Variants in TSPAN12 observed in about 807,000 individuals in gnomAD.
TSPAN12 encodes the protein tetraspanin-12.
A neutral mutation model predicts 39.2 loss-of-function variants in TSPAN12; 19 were observed. The ratio of observed to expected loss-of-function variants is 0.49; its 90% CI spans 0.34 to 0.71. The LOEUF is 0.71. Among genes scored for constraint, TSPAN12 ranks in the 30% least tolerant of loss-of-function variants. The pLI, the probability that TSPAN12 is intolerant of heterozygous loss-of-function variation, is 0.01. For synonymous variants in TSPAN12, 119 were observed against 124.8 expected, an observed-to-expected ratio of 0.95 and a Z score of 0.31; for missense variants, 314 against 359.9, an observed-to-expected ratio of 0.87 and a Z score of 1.03.
chr7:120,798,371 TAGAGAGAC>T (rs1793674198), intron 7 of TSPAN12, among the ~76,000 whole-genome samples: 1 of 152,104 alleles, frequency 6.6e-6, no homozygotes, highest in African/African-American at 2.4e-5. Flanking sequence ...ATGAAGTCAG[TAGAGAGAC>T]AGGAGGGAGC....
At chr7:120,799,639 A>G (rs1236725020) in intron 7 of TSPAN12, among the ~76,000 whole-genome samples, 10 of 99,718 alleles carry the variant, frequency 1.0e-4, no homozygotes, top group African/African-American at 3.9e-4. Flanking sequence ...TATTATATAT[A>G]CTTATATATA....
intron 4 of TSPAN12, among the ~76,000 whole-genome samples, chr7:120,829,620 C>T (rs376270569): frequency 1.8e-4 from 27 of 152,140 alleles, no homozygotes; most frequent in East Asian, 1.2e-3. Context: ...GAAAACACAG[C>T]ACAATTGCTG....
intron 4 of TSPAN12, among the ~76,000 whole-genome samples, chr7:120,816,592 G>A (rs1441500898): frequency 6.6e-6 from 1 of 152,076 alleles, no homozygotes; most frequent in Non-Finnish European, 1.5e-5. Context: ...TCTAGCTGGA[G>A]TGGGGTGGTC....
chr7:120,839,986 A>G, intron 3 of TSPAN12, 41 bp downstream of exon 3: 2 of 1,537,070 alleles, frequency 1.3e-6, no homozygotes, highest in Non-Finnish European at 1.8e-6. Flanking sequence ...AGTTACTTAA[A>G]ATCAGCAAGA....
chr7:120,813,332 G>A (rs1017653422), intron 5 of TSPAN12, among the ~76,000 whole-genome samples: 2 of 152,196 alleles, frequency 1.3e-5, no homozygotes, highest in Non-Finnish European at 2.9e-5. Flanking sequence ...AAAGATTTAT[G>A]AAAGCAAAAC....
intron 7 of TSPAN12, among the ~76,000 whole-genome samples, chr7:120,802,773 T>A (rs1394305645): frequency 6.6e-6 from 1 of 152,240 alleles, no homozygotes; most frequent in Non-Finnish European, 1.5e-5. Context: ...AGTTTGTAGC[T>A]TATTATGGAT....
intron 7 of TSPAN12, among the ~76,000 whole-genome samples, chr7:120,793,817 A>T (rs1793579489): frequency 6.6e-6 from 1 of 152,230 alleles, no homozygotes; most frequent in Non-Finnish European, 1.5e-5. Flanking sequence ...GTATTGGAAA[A>T]CACCATAAGA....
intron 4 of TSPAN12, among the ~76,000 whole-genome samples, chr7:120,824,615 A>G (rs1417640681): frequency 1.3e-5 from 2 of 152,194 alleles, no homozygotes; most frequent in Non-Finnish European, 2.9e-5. Context: ...CTCTCAATGA[A>G]TGAAAAAGTA....
intron 4 of TSPAN12, among the ~76,000 whole-genome samples, chr7:120,827,235 T>C (rs1418547104): frequency 6.6e-6 from 1 of 152,188 alleles, no homozygotes; most frequent in Non-Finnish European, 1.5e-5. Context: ...TATTTTTGTA[T>C]ATTCTCCAGA....
At chr7:120,857,518 G>T (rs1019281437) in intron 1 of TSPAN12, among the ~76,000 whole-genome samples, 1 of 151,338 alleles carries the variant, frequency 6.6e-6, no homozygotes, top group East Asian at 2.0e-4. Flanking sequence ...GGGGCGGGGG[G>T]CGCCGGGGAA....
intron 3 of TSPAN12, among the ~76,000 whole-genome samples, chr7:120,839,350 TAA>T (rs1794536620): frequency 6.6e-6 from 1 of 152,156 alleles, no homozygotes; most frequent in Non-Finnish European, 1.5e-5. Flanking sequence ...CCCCAAAATG[TAA>T]AAGACTGCTA....
At chr7:120,806,815 T>C in intron 6 of TSPAN12, 123 bp from the exon 7 acceptor site, 1 of 1,161,780 alleles carries the variant, frequency 8.6e-7, no homozygotes, top group Admixed American at 2.0e-5. Context: ...CACCTAATGA[T>C]ATATGTACAG....
At chr7:120,800,636 G>A (rs1440735362) in intron 7 of TSPAN12, among the ~76,000 whole-genome samples, 1 of 151,534 alleles carries the variant, frequency 6.6e-6, no homozygotes, top group African/African-American at 2.4e-5. Flanking sequence ...CCACTTGCCC[G>A]TGTTGTATTC....
intron 7 of TSPAN12, among the ~76,000 whole-genome samples, chr7:120,792,135 C>T (rs997738132): frequency 6.6e-6 from 1 of 152,166 alleles, no homozygotes; most frequent in Non-Finnish European, 1.5e-5. Context: ...ATCCCTGCTC[C>T]CCTCAGCTGA....
chr7:120,835,955 C>CA lies in TSPAN12; in HGVS notation c.285+2821dup, dbSNP rs201996490. ...GAGAATAATGAAGTAGATAAAAAAG[C>CA]AAAAAATGGCAGATCAAGTCTCCAT... On this transcript the variant is annotated intron_variant, in intron 4 of 7. Transcript: ENST00000222747. 6.5e-3 allele frequency among the ~76,000 whole-genome samples: 983 copies of CA among 152,052 alleles called. 14 individuals are homozygous for CA. The highest frequency in any genetic ancestry group is 0.022 in the African/African-American group (929 of 41,470).
chr7:120,856,769 G>T lies in TSPAN12; in HGVS notation c.-6C>A, dbSNP rs1794879016. ...ACGGAATCTTCTCTGGCCATTGTGA[G>T]CCCCGTAAGGGAGAAGCCCCATCCT... On this transcript the variant is annotated 5_prime_UTR_variant, in exon 2 of 8. Coordinates refer to ENST00000222747, the MANE Select transcript of TSPAN12 (RefSeq NM_012338.4). 6.2e-7 allele frequency: 1 copy of T among 1,614,024 alleles called. No individual in the cohort carries two copies. The highest frequency in any genetic ancestry group is 8.5e-7 in the Non-Finnish European group (1 of 1,180,012).
In TSPAN12 at chr7:120,788,336, G is replaced by C; in HGVS notation, c.*256C>G. ...CTGCCTCAAAACATAACTGTGTTCA[G>C]TAAAAGTCATACACAGGCTACACAG... On this transcript the variant is annotated 3_prime_UTR_variant, in exon 8 of 8. Transcript: ENST00000222747. 1 of 499,610 alleles carries C rather than the reference G, an allele frequency of 2.0e-6. No individual in the cohort carries two copies. Among genetic ancestry groups the C allele is most frequent in the Non-Finnish European group, 3.6e-6 (1 of 276,136 alleles). The allele number at this position is 499,610 out of a possible 1,614,324, so 30.9% of individuals were successfully genotyped here. A position where few individuals can be genotyped will look rare whatever the true frequency, so the allele number is the denominator to read the frequency against.
intron 7 of TSPAN12, among the ~76,000 whole-genome samples, chr7:120,796,384 TTTAG>T (rs1257220605): frequency 3.9e-5 from 6 of 152,306 alleles, no homozygotes; most frequent in Admixed American, 3.3e-4. Flanking sequence ...CTAAGGACAA[TTTAG>T]TTAGTCAAAA....
At chr7:120,800,396 A>G (rs1200891752) in intron 7 of TSPAN12, among the ~76,000 whole-genome samples, 1 of 152,122 alleles carries the variant, frequency 6.6e-6, no homozygotes, top group Non-Finnish European at 1.5e-5. Flanking sequence ...GAATCTTGGT[A>G]AGCTGGTAAG....
Sources: allele counts gnomAD v4.1 joint callset (sites outside exome capture counted in the v4.1 genomes callset), GRCh38; gene constraint gnomAD v4.1.1; transcripts MANE v1.5; gene names NCBI Gene and HGNC (gene_info 2026-07-23, HGNC 2026-07-21).